The following ASTN2 variants were observed in gnomAD, a reference collection of about 807,000 sequenced individuals.
ASTN2 encodes the protein astrotactin 2.
ASTN2 carries 54 observed loss-of-function variants against 139.8 expected under a neutral mutation model. The ratio of observed to expected loss-of-function variants is 0.39; its 90% CI spans 0.31 to 0.48. ASTN2 has a LOEUF of 0.48. Among genes scored for constraint, ASTN2 ranks in the 20% least tolerant of loss-of-function variants. The probability of loss-of-function intolerance (pLI) is 0.95; values close to 1 mark genes in which losing one functional copy is unlikely to be tolerated. For synonymous variants in ASTN2, 756 were observed against 719.5 expected (o/e 1.05, Z -0.81); for missense variants, 1,565 against 1,725.1 (o/e 0.91, Z 1.64).
Position 116,453,313 on chromosome 9 carries a change from G to A in ASTN2, c.3498-10760C>T, listed in dbSNP as rs533045162. Among the ~76,000 whole-genome samples, 4 of 152,266 alleles carry A rather than the reference G, an allele frequency of 2.6e-5. No homozygotes were observed. The South Asian group carries it at 6.2e-4, about 24-fold the overall frequency. Reference sequence around the variant, plus strand: ...CAAGATTGTTGTAAGAATGAATAGCGCTGGGCGTGGTGGCTCACGCCTGTA... The same window carrying A: ...CAAGATTGTTGTAAGAATGAATAGCACTGGGCGTGGTGGCTCACGCCTGTA... On this transcript the variant is annotated intron_variant, in intron 20 of 22. Coordinates refer to ENST00000313400, the MANE Select transcript of ASTN2 (RefSeq NM_001365068.1).
intron 16 of ASTN2, among the ~76,000 whole-genome samples, chr9:116,722,012 G>A (rs945439731): frequency 5.3e-5 from 8 of 152,130 alleles, no homozygotes; most frequent in African/African-American, 1.4e-4. Flanking sequence ...TTCTAGACAA[G>A]CCATTCCCTA....
At chr9:117,097,650 C>T (rs1271151814) in intron 4 of ASTN2, among the ~76,000 whole-genome samples, 1 of 152,158 alleles carries the variant, frequency 6.6e-6, no homozygotes, top group African/African-American at 2.4e-5. Flanking sequence ...CTACTTTTCT[C>T]TATAAACTCT....
At chr9:117,188,917 C>A (rs1831275619) in intron 3 of ASTN2, among the ~76,000 whole-genome samples, 1 of 152,078 alleles carries the variant, frequency 6.6e-6, no homozygotes, top group Non-Finnish European at 1.5e-5. Context: ...GTGGGCAGCA[C>A]TACATCTACC....
chr9:117,038,173 T>G (rs10817981), intron 6 of ASTN2, among the ~76,000 whole-genome samples: 107,428 of 151,818 alleles, frequency 0.71, 38,224 homozygotes, highest in East Asian at 0.85. Flanking sequence ...ATTCCACTTT[T>G]CTCTGGTCAA....
chr9:116,511,175 C>A (rs1025577037), intron 19 of ASTN2, among the ~76,000 whole-genome samples: 1 of 152,084 alleles, frequency 6.6e-6, no homozygotes. Context: ...GAGATACGTC[C>A]GATCAATACC....
intron 4 of ASTN2, among the ~76,000 whole-genome samples, chr9:117,120,316 T>G (rs1829525217): frequency 6.6e-6 from 1 of 151,968 alleles, no homozygotes; most frequent in South Asian, 2.1e-4. Flanking sequence ...TTTCTGGACC[T>G]GAACCAGTTT....
intron 16 of ASTN2, among the ~76,000 whole-genome samples, chr9:116,705,415 T>C (rs1206020669): frequency 6.6e-6 from 1 of 152,188 alleles, no homozygotes; most frequent in Non-Finnish European, 1.5e-5. Context: ...CACTGAAATC[T>C]TGATTGAAAC....
intron 5 of ASTN2, among the ~76,000 whole-genome samples, chr9:117,049,412 G>A (rs1236268784): frequency 6.6e-6 from 1 of 152,118 alleles, no homozygotes. Flanking sequence ...TTTCCCTAAA[G>A]TATTAAGACA....
chr9:116,911,643 G>A lies in ASTN2; in HGVS notation c.1890-47910C>T, dbSNP rs1364315855. Among the ~76,000 whole-genome samples, 8 of 152,164 alleles carry A rather than the reference G, an allele frequency of 5.3e-5. No homozygotes were observed. The South Asian group carries it at 1.4e-3, about 28-fold the overall frequency. On this transcript the variant is annotated intron_variant, in intron 10 of 22. Coordinates refer to ENST00000313400, the MANE Select transcript of ASTN2 (RefSeq NM_001365068.1). ...AGGTGGTTTATGCGCGGTGGCTCAC[G>A]CTTGTAATCCCAGCACTTTGGGAGG...
At chr9:117,109,100 G>T (rs1307138826) in intron 4 of ASTN2, among the ~76,000 whole-genome samples, 1 of 152,008 alleles carries the variant, frequency 6.6e-6, no homozygotes, top group Non-Finnish European at 1.5e-5. Context: ...GGCTAACATA[G>T]TGAAACCCCC....
intron 10 of ASTN2, among the ~76,000 whole-genome samples, chr9:116,899,960 A>C (rs1200392773): frequency 6.6e-6 from 1 of 152,180 alleles, no homozygotes; most frequent in Non-Finnish European, 1.5e-5. Context: ...CAGCACAAGA[A>C]GACAAGATTT....
chr9:117,156,887 T>A (rs187532633), intron 3 of ASTN2, among the ~76,000 whole-genome samples: 1 of 152,090 alleles, frequency 6.6e-6, no homozygotes, highest in Non-Finnish European at 1.5e-5. Context: ...AAATGTCTTC[T>A]CCTTAGCAGA....
chr9:116,851,146 T>C (rs1459439699), intron 11 of ASTN2, among the ~76,000 whole-genome samples: 2 of 152,190 alleles, frequency 1.3e-5, no homozygotes, highest in African/African-American at 4.8e-5. Flanking sequence ...TTTGATAAGA[T>C]GTGCTAGATG....
At chr9:116,629,112 C>T (rs1035167866) in intron 17 of ASTN2, among the ~76,000 whole-genome samples, 7 of 100,512 alleles carry the variant, frequency 7.0e-5, no homozygotes, top group Admixed American at 1.1e-4. Context: ...TCCAGTAACT[C>T]TTTTTTTTTT....
intron 10 of ASTN2, among the ~76,000 whole-genome samples, chr9:116,901,272 G>C (rs927128392): frequency 1.3e-5 from 2 of 152,230 alleles, no homozygotes; most frequent in South Asian, 4.1e-4. Flanking sequence ...CACCCATAAG[G>C]AGGCTGAGGT....
chr9:117,281,036 T>C lies in ASTN2; in HGVS notation c.630+10290A>G, dbSNP rs1474680380. ...ATCTTTTCTGCCCCATTTATTTATTTAGTCAATTATTTATATCAGTATTTT... is the reference window on the plus strand; with the variant it reads ...ATCTTTTCTGCCCCATTTATTTATTCAGTCAATTATTTATATCAGTATTTT... On this transcript the variant is annotated intron_variant, in intron 2 of 22. Coordinates refer to ENST00000313400, the MANE Select transcript of ASTN2 (RefSeq NM_001365068.1). Among the ~76,000 whole-genome samples the C allele has an allele frequency of 2.6e-5, 4 of 152,204 alleles. No homozygotes were observed. The South Asian group carries it at 8.3e-4, about 31-fold the overall frequency.
intron 19 of ASTN2, among the ~76,000 whole-genome samples, chr9:116,500,648 T>C (rs762365186): frequency 6.6e-6 from 1 of 152,252 alleles, no homozygotes; most frequent in Admixed American, 6.5e-5. Flanking sequence ...GTTTGAATTC[T>C]GGCTTTGCTA....
chr9:116,639,304 T>C (rs1857218456), intron 17 of ASTN2, among the ~76,000 whole-genome samples: 2 of 152,362 alleles, frequency 1.3e-5, no homozygotes, highest in African/African-American at 4.8e-5. Context: ...GGAATCCTTT[T>C]GCTCAGAGAT....
intron 11 of ASTN2, among the ~76,000 whole-genome samples, chr9:116,861,162 T>C (rs554131611): frequency 6.6e-6 from 1 of 150,808 alleles, no homozygotes; most frequent in East Asian, 2.0e-4. Flanking sequence ...TTCTCTCTCT[T>C]TTAATTTTTC....
Sources: gnomAD v4.1 joint callset for allele counts (sites outside exome capture counted in the v4.1 genomes callset) on GRCh38, gnomAD v4.1.1 for gene constraint, MANE v1.5 for transcripts, NCBI Gene and HGNC (gene_info 2026-07-23, HGNC 2026-07-21) for gene names.